The following RUSF1 variants were observed in gnomAD, a reference collection of about 807,000 sequenced individuals.
The protein encoded by RUSF1 is RUS family member 1.
RUSF1 carries 58 observed loss-of-function variants against 63.0 expected under a neutral mutation model. That is an observed-to-expected ratio of 0.92 (90% CI 0.75 to 1.15). The LOEUF is 1.15. Ranked by LOEUF, RUSF1 falls within the 50% of genes most tolerant of loss-of-function variation. RUSF1 has a pLI of 0.00. For synonymous variants in RUSF1, 274 were observed against 255.8 expected, an observed-to-expected ratio of 1.07 and a Z score of -0.68; for missense variants, 652 against 611.0, an observed-to-expected ratio of 1.07 and a Z score of -0.71.
intron 9 of RUSF1, 150 bp downstream of exon 9, chr16:31,493,317 T>A: frequency 2.7e-6 from 3 of 1,112,662 alleles, no homozygotes; most frequent in Non-Finnish European, 4.0e-6. Flanking sequence ...CTTTCCTTCC[T>A]CACACACCCA....
At chr16:31,494,212 C>T in intron 6 of RUSF1, among the ~76,000 whole-genome samples, 1 of 152,118 alleles carries the variant, frequency 6.6e-6, no homozygotes, top group South Asian at 2.1e-4. Flanking sequence ...TAGTGGGACC[C>T]TATTTCTACA....
At chr16:31,504,581 A>C (rs554905236) in intron 2 of RUSF1, among the ~76,000 whole-genome samples, 1 of 152,320 alleles carries the variant, frequency 6.6e-6, no homozygotes, top group East Asian at 1.9e-4. Context: ...GCCAAGGTTA[A>C]GCATTCCTAA....
chr16:31,490,270 G>A lies in RUSF1; in HGVS notation c.*565C>T. On this transcript the variant is annotated 3_prime_UTR_variant, in exon 13 of 13. Coordinates refer to ENST00000327237, the MANE Select transcript of RUSF1 (RefSeq NM_022744.4). ...TGGGAGGTGGGGCTGGAGGAGCTGA[G>A]TTCCCGCAAACTAACTGCAGGGCCT... 1 of 1,613,936 alleles carries A rather than the reference G, an allele frequency of 6.2e-7. No individual in the cohort carries two copies. Among genetic ancestry groups the A allele is most frequent in the Non-Finnish European group, 8.5e-7 (1 of 1,179,946 alleles).
At position 31,507,717 on chromosome 16, in the gene RUSF1, G is replaced by A. The variant is rs114171051; in HGVS notation, c.415+47C>T. ...ATATACACATAAGAGCCCAGCGAAA[G>A]CAGGGCTGAAAGCAGCAATACGTGA... On this transcript the variant is annotated intron_variant, in intron 2 of 12. Transcript: ENST00000327237. 2,683 of 1,523,320 alleles carry A rather than the reference G, an allele frequency of 1.8e-3. 43 individuals are homozygous for A. In the African/African-American group the frequency reaches 0.034, roughly 19 times the overall value. 94.4% of individuals were successfully genotyped at this position (1,523,320 alleles called of 1,614,324 possible). A position where few individuals can be genotyped will look rare whatever the true frequency, so the allele number is the denominator to read the frequency against.
At position 31,493,656 on chromosome 16, in the gene RUSF1, CT is replaced by C. The variant is rs1265755745; in HGVS notation, c.904del (p.Arg302GlyfsTer66). ...LRLVLKHYLQ[R>X]GEVLDPTAAN... ...TGCAGTTGGGTCGAGTACCTCTCCC[CT>C]CTGAAGGTAGTGCTTCAGGACCAGC... On this transcript the variant is annotated frameshift_variant, in exon 8 of 13. Transcript: ENST00000327237. LOFTEE classifies it high-confidence loss of function. 1 of 1,614,116 alleles carries C rather than the reference CT, an allele frequency of 6.2e-7. No individual in the cohort carries two copies. Among genetic ancestry groups the C allele is most frequent in the African/African-American group, 1.3e-5 (1 of 74,950 alleles).
chr16:31,493,948 C>T lies in RUSF1; in HGVS notation c.703-12G>A, dbSNP rs2142646986. On this transcript the variant is annotated splice_polypyrimidine_tract_variant and intron_variant, in intron 6 of 12. Coordinates refer to ENST00000327237, the MANE Select transcript of RUSF1 (RefSeq NM_022744.4). ...TTCACCAGCGTCTCCTGGAAAATGG[C>T]AGAGGGAGAAGGAGTTGGAAGGTGC... 1 of 1,613,564 alleles carries T rather than the reference C, an allele frequency of 6.2e-7. No individual in the cohort carries two copies. The highest frequency in any genetic ancestry group is 8.5e-7 in the Non-Finnish European group (1 of 1,179,774).
In RUSF1 at chr16:31,490,491, C is replaced by T. The variant is rs201577425; in HGVS notation, c.*344G>A. On this transcript the variant is annotated 3_prime_UTR_variant, in exon 13 of 13. Coordinates refer to ENST00000327237, the MANE Select transcript of RUSF1 (RefSeq NM_022744.4). ...CCGTGTGGTCAACCTCAATGCCCTG[C>T]TCATGATGGCAGTGGCCGTGTTCCT... 37 of 1,613,754 alleles carry T rather than the reference C, an allele frequency of 2.3e-5. No individual in the cohort carries two copies. Among genetic ancestry groups the T allele is most frequent in the Non-Finnish European group, 3.0e-5 (35 of 1,179,964 alleles).
intron 6 of RUSF1, among the ~76,000 whole-genome samples, chr16:31,496,056 A>G (rs2082600443): frequency 6.6e-6 from 1 of 152,140 alleles, no homozygotes; most frequent in South Asian, 2.1e-4. Flanking sequence ...CTAGGGATAA[A>G]GTAGTACCTA....
At chr16:31,503,869 T>C (rs927012052) in intron 2 of RUSF1, among the ~76,000 whole-genome samples, 2 of 152,020 alleles carry the variant, frequency 1.3e-5, no homozygotes, top group African/African-American at 2.4e-5. Flanking sequence ...TCCATGTTGG[T>C]CAGGCTGGTC....
At chr16:31,498,018 G>T (rs867613579) in intron 5 of RUSF1, among the ~76,000 whole-genome samples, 1 of 152,214 alleles carries the variant, frequency 6.6e-6, no homozygotes, top group African/African-American at 2.4e-5. Flanking sequence ...AGATGGAGGA[G>T]AGAATGGACT....
In RUSF1 at chr16:31,490,250, G is replaced by C. The variant is rs758309955; in HGVS notation, c.*585C>G. 3 of 1,613,968 alleles carry C rather than the reference G, an allele frequency of 1.9e-6. No homozygotes were observed. The highest frequency in any genetic ancestry group is 1.7e-6 in the Non-Finnish European group (2 of 1,179,996). ...TGAATGGTAGGGCACCATGCTGGGA[G>C]GTGGGGCTGGAGGAGCTGAGTTCCC... is the stretch of plus-strand genomic sequence containing the variant. On this transcript the variant is annotated 3_prime_UTR_variant, in exon 13 of 13. Transcript: ENST00000327237.
chr16:31,493,370 C>T, intron 9 of RUSF1, 97 bp downstream of exon 9: 1 of 1,444,856 alleles, frequency 6.9e-7, no homozygotes, highest in Non-Finnish European at 9.5e-7. Flanking sequence ...GAACCCAGGA[C>T]AGAGAGGTGG....
rs776410459 is a variant in RUSF1, at chr16:31,490,009, T to C, written c.*826A>G. The C allele has an allele frequency of 3.3e-6, 5 of 1,525,402 alleles. No individual in the cohort carries two copies. The highest frequency in any genetic ancestry group is 3.6e-6 in the Non-Finnish European group (4 of 1,113,338). 94.5% of individuals were successfully genotyped at this position (1,525,402 alleles called of 1,614,324 possible). A position where few individuals can be genotyped will look rare whatever the true frequency, so the allele number is the denominator to read the frequency against. On this transcript the variant is annotated 3_prime_UTR_variant, in exon 13 of 13. Transcript: ENST00000327237. ...GGTGTGTAGACTGGACAGAGGTGGGTAGGGCAGGCAGTGACGAGCTGGTGT... is the reference window on the plus strand; with the variant it reads ...GGTGTGTAGACTGGACAGAGGTGGGCAGGGCAGGCAGTGACGAGCTGGTGT...
chr16:31,500,008 G>A (rs1315085865), intron 3 of RUSF1, among the ~76,000 whole-genome samples: 1 of 152,180 alleles, frequency 6.6e-6, no homozygotes, highest in African/African-American at 2.4e-5. Context: ...AAGGCTAAGA[G>A]AGCCGGGCTC....
At position 31,489,638 on chromosome 16, in the gene RUSF1, G is replaced by A. The variant is rs1209761553; in HGVS notation, c.*1197C>T. On this transcript the variant is annotated 3_prime_UTR_variant, in exon 13 of 13. Transcript: ENST00000327237. ...TGGTGGGCACAATACCATCTTGAAC[G>A]CCCACAAAAAGGTTTGGTTTTGTTG... 9 of 536,322 alleles carry A rather than the reference G, an allele frequency of 1.7e-5. No homozygotes were observed. Among genetic ancestry groups the A allele is most frequent in the African/African-American group, 1.1e-4 (6 of 52,474 alleles). 33.2% of individuals were successfully genotyped at this position (536,322 alleles called of 1,614,324 possible).
rs1437792960 is a variant in RUSF1, at chr16:31,493,518, C to T, written c.965G>A (p.Trp322Ter). The T allele has an allele frequency of 2.1e-5, 34 of 1,613,666 alleles. No homozygotes were observed. Among genetic ancestry groups the T allele is most frequent in the Non-Finnish European group, 2.9e-5 (34 of 1,179,870 alleles). Residue 322 changes from tryptophan (W) to a stop codon, truncating the protein, a stop_gained, in exon 9 of 13, where the codon TGG becomes TAG. Coordinates refer to ENST00000327237, the MANE Select transcript of RUSF1 (RefSeq NM_022744.4). LOFTEE classifies it high-confidence loss of function. ...CCCCAGGGATAGAGACGGAGCTGGC[C>T]AGAAACCTGTGGGAAGCTGGGGTCA... is the stretch of plus-strand genomic sequence containing the variant. The part of the protein sequence containing the change: ...NRMEPLWTGF[W>*]PAPSLSLGVP...
Position 31,490,429 on chromosome 16 carries a change from G to A in RUSF1, c.*406C>T. ...CAGGAGGAGGCAGCGGCAGCAGCCA[G>A]GCGGCTGGAGGACATCAGCGAGGAC... On this transcript the variant is annotated 3_prime_UTR_variant, in exon 13 of 13. Coordinates refer to ENST00000327237, the MANE Select transcript of RUSF1 (RefSeq NM_022744.4). The A allele has an allele frequency of 6.2e-7, 1 of 1,613,752 alleles. No individual in the cohort carries two copies. Among genetic ancestry groups the A allele is most frequent in the Non-Finnish European group, 8.5e-7 (1 of 1,179,960 alleles).
intron 2 of RUSF1, among the ~76,000 whole-genome samples, chr16:31,504,190 G>A (rs2082646610): frequency 6.6e-6 from 1 of 152,040 alleles, no homozygotes; most frequent in Non-Finnish European, 1.5e-5. Flanking sequence ...GTGAGCCACG[G>A]CACCTGGCCT....
At chr16:31,499,667 G>A (rs373195770) in intron 3 of RUSF1, 142 bp from the exon 4 acceptor site, 22 of 735,026 alleles carry the variant, frequency 3.0e-5, no homozygotes, top group Non-Finnish European at 4.4e-5. Context: ...CCCCACAGCC[G>A]GTCACTGCTA....
Sources: gnomAD v4.1 joint callset for allele counts (sites outside exome capture counted in the v4.1 genomes callset) on GRCh38, gnomAD v4.1.1 for gene constraint, MANE v1.5 for transcripts, NCBI Gene and HGNC (gene_info 2026-07-23, HGNC 2026-07-21) for gene names.